The following KCNMA1 variants were observed in gnomAD, a reference collection of about 807,000 sequenced individuals.
KCNMA1 encodes the protein potassium calcium-activated channel subfamily M alpha 1.
In KCNMA1, 29 loss-of-function variants were observed where a neutral mutation model predicts 140.0. The ratio of observed to expected loss-of-function variants is 0.21; its 90% CI spans 0.15 to 0.28. The LOEUF (loss-of-function observed/expected upper bound fraction) is 0.28. Ranked by LOEUF, KCNMA1 falls within the 10% of genes least tolerant of loss-of-function variation. KCNMA1 has a pLI of 1.00. For synonymous variants in KCNMA1, 612 were observed against 611.9 expected (o/e 1.00, Z 0.00); for missense variants, 880 against 1,602.2 (o/e 0.55, Z 7.70).
At chr10:77,442,974 C>A (rs1404049213) in intron 1 of KCNMA1, among the ~76,000 whole-genome samples, 3 of 152,218 alleles carry the variant, frequency 2.0e-5, no homozygotes. Flanking sequence ...CATAGGTGGC[C>A]AAGGTGTGGG....
chr10:77,266,419 A>G (rs577923953), intron 2 of KCNMA1, among the ~76,000 whole-genome samples: 1 of 152,254 alleles, frequency 6.6e-6, no homozygotes, highest in African/African-American at 2.4e-5. Flanking sequence ...TGGCAATAAT[A>G]TGACTTCTCT....
intron 2 of KCNMA1, among the ~76,000 whole-genome samples, chr10:77,260,198 C>A (rs1344797015): frequency 1.3e-5 from 2 of 152,094 alleles, no homozygotes; most frequent in Non-Finnish European, 1.5e-5. Context: ...CAAGGACAGT[C>A]CTGCACACAG....
At chr10:76,881,751 AGGGGTGTGTATATC>A (rs2034754066), downstream of KCNMA1, among the ~76,000 whole-genome samples, 1 of 152,176 alleles carries the variant, frequency 6.6e-6, no homozygotes, top group Admixed American at 6.5e-5. Flanking sequence ...GGTAGAGAAC[AGGGGTGTGTATATC>A]GGGGTGTATC....
At chr10:76,908,610 C>A (rs751102000) in intron 25 of KCNMA1, among the ~76,000 whole-genome samples, 3 of 152,130 alleles carry the variant, frequency 2.0e-5, no homozygotes, top group Non-Finnish European at 2.9e-5. Context: ...TAGATGAGAC[C>A]AGTACATAAT....
intron 1 of KCNMA1, among the ~76,000 whole-genome samples, chr10:77,591,417 G>T (rs2079111605): frequency 6.6e-6 from 1 of 152,142 alleles, no homozygotes; most frequent in Non-Finnish European, 1.5e-5. Flanking sequence ...GCAGTAAATT[G>T]TGTGTTCTCT....
chr10:77,408,974 G>A (rs1239646445), intron 1 of KCNMA1, among the ~76,000 whole-genome samples: 2 of 152,172 alleles, frequency 1.3e-5, no homozygotes, highest in Non-Finnish European at 2.9e-5. Context: ...AGGCACAGGA[G>A]GCAGGGAACA....
At chr10:77,362,556 A>C (rs143141565) in intron 2 of KCNMA1, among the ~76,000 whole-genome samples, 1 of 152,146 alleles carries the variant, frequency 6.6e-6, no homozygotes, top group East Asian at 1.9e-4. Flanking sequence ...TGGAATGGCA[A>C]GAGGAAAACA....
At chr10:77,258,684 C>A (rs927567172) in intron 2 of KCNMA1, among the ~76,000 whole-genome samples, 1 of 152,144 alleles carries the variant, frequency 6.6e-6, no homozygotes, top group Non-Finnish European at 1.5e-5. Context: ...AGATATAGGC[C>A]AGGTGCGGTG....
chr10:76,954,855 A>C (rs1295545463), intron 20 of KCNMA1, among the ~76,000 whole-genome samples: 1 of 152,206 alleles, frequency 6.6e-6, no homozygotes, highest in Admixed American at 6.5e-5. Context: ...CTCACTGACA[A>C]CCTTAAGAAC....
At chr10:77,333,345 T>C (rs1269440976) in intron 2 of KCNMA1, among the ~76,000 whole-genome samples, 1 of 96,566 alleles carries the variant, frequency 1.0e-5, no homozygotes, top group East Asian at 2.5e-4. Flanking sequence ...GAGACCCATG[T>C]CTACCAAAAA....
intron 17 of KCNMA1, among the ~76,000 whole-genome samples, chr10:77,018,223 C>T (rs750222422): frequency 4.6e-5 from 7 of 152,172 alleles, no homozygotes; most frequent in Non-Finnish European, 8.8e-5. Context: ...AGACAATAGG[C>T]TTATATAACT....
chr10:77,317,641 A>G (rs970980443), intron 2 of KCNMA1, among the ~76,000 whole-genome samples: 1 of 152,232 alleles, frequency 6.6e-6, no homozygotes, highest in African/African-American at 2.4e-5. Context: ...TTATATTTTT[A>G]TTAGCCCCAT....
At chr10:76,969,284 GGGAAGGAA>G (rs1226172970) in intron 20 of KCNMA1, among the ~76,000 whole-genome samples, 2 of 29,802 alleles carry the variant, frequency 6.7e-5, no homozygotes, top group African/African-American at 2.9e-4. Flanking sequence ...GGGGGAAGAA[GGGAAGGAA>G]GGAAGGAGGG....
At position 77,039,444 on chromosome 10, in the gene KCNMA1, C is replaced by G. The variant is rs1033851357; in HGVS notation, c.1859+84G>C. 15 of 821,154 alleles carry G rather than the reference C, an allele frequency of 1.8e-5. No individual in the cohort carries two copies. The East Asian group carries it at 3.8e-4, about 21-fold the overall frequency. 50.9% of individuals were successfully genotyped at this position (821,154 alleles called of 1,614,324 possible). A position where few individuals can be genotyped will look rare whatever the true frequency, so the allele number is the denominator to read the frequency against. On this transcript the variant is annotated intron_variant, in intron 15 of 27. Coordinates refer to ENST00000286628, the MANE Select transcript of KCNMA1 (RefSeq NM_001161352.2). ...GCAATTGTCAAGTGCTCCAACTGTA[C>G]CCAGCAGAGGTGGGAGGCTTCCTTG...
At chr10:77,579,800 T>C (rs1379737903) in intron 1 of KCNMA1, among the ~76,000 whole-genome samples, 3 of 152,050 alleles carry the variant, frequency 2.0e-5, no homozygotes, top group Non-Finnish European at 2.9e-5. Flanking sequence ...ACAGAAGGGA[T>C]CCCAGCAAAG....
intron 23 of KCNMA1, among the ~76,000 whole-genome samples, chr10:76,916,531 A>G (rs111708226): frequency 2.0e-5 from 3 of 152,366 alleles, no homozygotes; most frequent in African/African-American, 7.2e-5. Flanking sequence ...GACCCAGTGC[A>G]ATTACATTTA....
At chr10:77,555,073 C>A (rs1450300577) in intron 1 of KCNMA1, among the ~76,000 whole-genome samples, 5 of 152,196 alleles carry the variant, frequency 3.3e-5, no homozygotes, top group Non-Finnish European at 5.9e-5. Context: ...CACGCACGCA[C>A]ACCACAGGAA....
At chr10:77,572,576 A>C (rs1306935328) in intron 1 of KCNMA1, among the ~76,000 whole-genome samples, 1 of 77,716 alleles carries the variant, frequency 1.3e-5, no homozygotes, top group African/African-American at 6.3e-5. Context: ...ATCCATATAT[A>C]TATATATATA....
chr10:77,217,413 C>T (rs919818330), intron 3 of KCNMA1: 18 of 441,970 alleles, frequency 4.1e-5, no homozygotes, highest in African/African-American at 3.2e-4. Flanking sequence ...CATCTCAGGC[C>T]TTACTTCTCA....
Sources: allele counts gnomAD v4.1 joint callset (sites outside exome capture counted in the v4.1 genomes callset), GRCh38; gene constraint gnomAD v4.1.1; transcripts MANE v1.5; gene names NCBI Gene and HGNC (gene_info 2026-07-23, HGNC 2026-07-21).